Variants in OR1A1 observed in about 807,000 individuals in gnomAD.
OR1A1 encodes olfactory receptor 1A1.
For synonymous variants in OR1A1, 145 were observed against 147.8 expected (o/e 0.98, Z 0.13); for missense variants, 391 against 379.9 (o/e 1.03, Z -0.24).
In OR1A1 at chr17:3,216,711, G is replaced by A. The variant is rs2048472481; in HGVS notation, c.*161G>A. 3 of 592,632 alleles carry A rather than the reference G, an allele frequency of 5.1e-6. No homozygotes were observed. Among genetic ancestry groups the A allele is most frequent in the Non-Finnish European group, 8.5e-6 (3 of 351,826 alleles). 36.7% of individuals were successfully genotyped at this position (592,632 alleles called of 1,614,324 possible). A position where few individuals can be genotyped will look rare whatever the true frequency, so the allele number is the denominator to read the frequency against. On this transcript the variant is annotated 3_prime_UTR_variant, in exon 4 of 4. Coordinates refer to ENST00000641732, the MANE Select transcript of OR1A1 (RefSeq NM_014565.3). ...ACATTTTAATAAGTTAATAATAAGT[G>A]ATTATTGAAATTACCACTTTCAACT...
chr17:3,208,191 A>AGGAG (rs1262753988), intron 1 of OR1A1, among the ~76,000 whole-genome samples, 191 bp downstream of exon 1: 5 of 87,296 alleles, frequency 5.7e-5, no homozygotes, highest in African/African-American at 1.6e-4. Context: ...AGAGAGAGAG[A>AGGAG]GAGGAGGAGG....
Position 3,216,337 on chromosome 17 carries a change from C to G in OR1A1, c.717C>G (p.Thr239=). ...AGGGCGTGCTCAAGGCCTTCTCCAC[C>G]TGTGGTTCCCACCTCACGGTTGTCT... ...STKGVLKAFS[T]CGSHLTVVSL... Residue 239 remains threonine, a synonymous_variant, in exon 4 of 4, where the codon ACC becomes ACG. Transcript: ENST00000641732. 2 of 1,614,232 alleles carry G rather than the reference C, an allele frequency of 1.2e-6. No individual in the cohort carries two copies. Among genetic ancestry groups the G allele is most frequent in the African/African-American group, 2.7e-5 (2 of 75,062 alleles).
Position 3,216,928 on chromosome 17 carries a change from T to C in OR1A1, c.*378T>C, listed in dbSNP as rs139630891. On this transcript the variant is annotated 3_prime_UTR_variant, in exon 4 of 4. Transcript: ENST00000641732. ...TTCCAAGATTATAAATCACTATTCA[T>C]GTGTCCATTTTTATTTGACTGTTAA... The C allele has an allele frequency of 1.1e-3, 183 of 173,198 alleles. No homozygotes were observed. Among genetic ancestry groups the C allele is most frequent in the Middle Eastern group, 5.7e-3 (2 of 350 alleles). The allele number at this position is 173,198 out of a possible 1,614,324, so 10.7% of individuals were successfully genotyped here.
intron 3 of OR1A1, chr17:3,213,895 C>G (rs187985783): frequency 6.6e-6 from 1 of 152,316 alleles, no homozygotes; most frequent in East Asian, 1.9e-4. Context: ...AGCAGCTGAT[C>G]GTTGCCGCTG....
At position 3,216,519 on chromosome 17, in the gene OR1A1, G is replaced by T; in HGVS notation, c.899G>T (p.Arg300Leu). ...AATCGGGACATGAAGGCTGCCCTGCGGAAACTCTTCAACAAGAGAATCTCC... is the reference window on the plus strand; with the variant it reads ...AATCGGGACATGAAGGCTGCCCTGCTGAAACTCTTCAACAAGAGAATCTCC... ...LRNRDMKAAL[R>L]KLFNKRISS The change falls in exon 4 of 4, where the codon CGG becomes CTG. Residue 300 changes from arginine (R) to leucine (L), a missense_variant. Physicochemically the swap from Arg to Leu is moderately radical, Grantham distance 102. Transcript: ENST00000641732. The T allele has an allele frequency of 6.2e-7, 1 of 1,613,074 alleles. No homozygotes were observed. The highest frequency in any genetic ancestry group is 8.5e-7 in the Non-Finnish European group (1 of 1,179,366).
At chr17:3,212,771 C>G (rs1024619986) in intron 3 of OR1A1, 172 bp downstream of exon 3, 1 of 152,108 alleles carries the variant, frequency 6.6e-6, no homozygotes, top group African/African-American at 2.4e-5. Flanking sequence ...TGGATACACA[C>G]AGAGTGAGGA....
At chr17:3,211,426 C>G (rs868333698) in intron 2 of OR1A1, among the ~76,000 whole-genome samples, 1 of 152,060 alleles carries the variant, frequency 6.6e-6, no homozygotes, top group Non-Finnish European at 1.5e-5. Flanking sequence ...CCTCTGCCCC[C>G]GCAGTTTCAA....
At position 3,215,928 on chromosome 17, in the gene OR1A1, T is replaced by G; in HGVS notation, c.308T>G (p.Phe103Cys). The G allele has an allele frequency of 3.1e-6, 5 of 1,614,208 alleles. No homozygotes were observed. Among genetic ancestry groups the G allele is most frequent in the Non-Finnish European group, 4.2e-6 (5 of 1,180,042 alleles). ...GGGGGATGCCTAACGCAGATGTATT[T>G]CATGATAGCCTTGGGTAACACAGAC... ...SFGGCLTQMY[F>C]MIALGNTDSY... Residue 103 changes from phenylalanine (F) to cysteine (C), a missense_variant, in exon 4 of 4, where the codon TTC (phenylalanine) becomes TGC (cysteine). Transcript: ENST00000641732.
At chr17:3,215,237 T>C (rs1215513674) in intron 3 of OR1A1, 2 of 183,532 alleles carry the variant, frequency 1.1e-5, no homozygotes, top group Non-Finnish European at 2.3e-5. Context: ...CTTGAATAAA[T>C]AGATGAATAA....
At chr17:3,210,457 C>T (rs369302885) in intron 2 of OR1A1, among the ~76,000 whole-genome samples, 5 of 152,264 alleles carry the variant, frequency 3.3e-5, no homozygotes, top group East Asian at 1.9e-4. Flanking sequence ...ACACTTTACA[C>T]ACTCCAAGAT....
In OR1A1 at chr17:3,211,647, T is replaced by C. The variant is rs1360337095; in HGVS notation, c.-138-820T>C. 3.3e-5 allele frequency among the ~76,000 whole-genome samples: 5 copies of C among 152,324 alleles called. No homozygotes were observed. The South Asian group carries it at 8.3e-4, about 25-fold the overall frequency. ...CACCGTGCCCAGTCTCCTACATGAATTTTTGGATCAGTTTGTCAAACTCAT... is the reference window on the plus strand; with the variant it reads ...CACCGTGCCCAGTCTCCTACATGAACTTTTGGATCAGTTTGTCAAACTCAT... On this transcript the variant is annotated intron_variant, in intron 2 of 3. Coordinates refer to ENST00000641732, the MANE Select transcript of OR1A1 (RefSeq NM_014565.3).
chr17:3,209,767 T>C (rs12601975), intron 2 of OR1A1, among the ~76,000 whole-genome samples: 38,038 of 152,030 alleles, frequency 0.25, 5,576 homozygotes, highest in East Asian at 0.57. Context: ...GAGACCTTGT[T>C]TCTAAATAAA....
At chr17:3,209,336 T>C (rs542245426) in intron 2 of OR1A1, among the ~76,000 whole-genome samples, 1 of 152,228 alleles carries the variant, frequency 6.6e-6, no homozygotes, top group Non-Finnish European at 1.5e-5. Context: ...AACATAAATA[T>C]TGCAGGCCAG....
rs773971561 is a variant in OR1A1 at position 3,216,427 on chromosome 17, C to T, written c.807C>T (p.Asp269=). 1.4e-4 allele frequency: 218 copies of T among 1,614,104 alleles called. 4 individuals are homozygous for T. Among genetic ancestry groups the T allele is most frequent in the South Asian group, 1.4e-3 (123 of 91,076 alleles). ...CTTTGACCAATTATAGCCTAAAAGA[C>T]GCAGTGATCACTGTAATGTACACGG... The part of the protein sequence containing the change: ...FRPLTNYSLK[D]AVITVMYTAV... The change falls in exon 4 of 4, where the codon GAC becomes GAT. Residue 269 remains aspartate (D), a synonymous_variant. Coordinates refer to ENST00000641732, the MANE Select transcript of OR1A1 (RefSeq NM_014565.3).
chr17:3,208,191 A>AGAG (rs71153333), intron 1 of OR1A1, among the ~76,000 whole-genome samples, 191 bp downstream of exon 1: 107 of 87,388 alleles, frequency 1.2e-3, no homozygotes, highest in East Asian at 2.0e-3. Context: ...AGAGAGAGAG[A>AGAG]GAGGAGGAGG....
chr17:3,213,735 C>A (rs2048453766), intron 3 of OR1A1: 1 of 152,106 alleles, frequency 6.6e-6, no homozygotes, highest in South Asian at 2.1e-4. Context: ...CCAACTGGCA[C>A]AAGGGTAAGA....
Position 3,218,718 on chromosome 17 carries a change from A to G in OR1A1, c.*2168A>G, listed in dbSNP as rs904228349. ...CTCACTCATAAGTGTGAGTTAAACAATGAGAACACATGGACACAAGGAAGG... is the reference window on the plus strand; with the variant it reads ...CTCACTCATAAGTGTGAGTTAAACAGTGAGAACACATGGACACAAGGAAGG... On this transcript the variant is annotated 3_prime_UTR_variant, in exon 4 of 4. Transcript: ENST00000641732. The G allele has an allele frequency of 2.0e-5, 3 of 152,186 alleles. No individual in the cohort carries two copies. Among genetic ancestry groups the G allele is most frequent in the Admixed American group, 2.0e-4 (3 of 15,278 alleles). 9.4% of individuals were successfully genotyped at this position (152,186 alleles called of 1,614,324 possible).
At position 3,208,349 on chromosome 17, in the gene OR1A1, A is replaced by ATG. The variant is rs1333834888; in HGVS notation, c.-556-220_-556-219dup. Among the ~76,000 whole-genome samples, 6 of 151,668 alleles carry ATG rather than the reference A, an allele frequency of 4.0e-5. No individual in the cohort carries two copies. The East Asian group carries it at 5.8e-4, about 15-fold the overall frequency. On this transcript the variant is annotated intron_variant, in intron 1 of 3. Coordinates refer to ENST00000641732, the MANE Select transcript of OR1A1 (RefSeq NM_014565.3). ...CTATAGTAATATAGTGTGTGTGTGC[A>ATG]TGTGTGTGTGTGTAAGAGAGAGCGA...
At chr17:3,211,139 C>T (rs1182629488) in intron 2 of OR1A1, among the ~76,000 whole-genome samples, 2 of 152,162 alleles carry the variant, frequency 1.3e-5, no homozygotes, top group African/African-American at 2.4e-5. Flanking sequence ...TGTCACACAC[C>T]ACTTTCTAAG....
Sources: gnomAD v4.1 joint callset for allele counts (sites outside exome capture counted in the v4.1 genomes callset) on GRCh38, gnomAD v4.1.1 for gene constraint, MANE v1.5 for transcripts, NCBI Gene and HGNC (gene_info 2026-07-23, HGNC 2026-07-21) for gene names.